Variants in ARHGEF11 observed in about 807,000 individuals in gnomAD.
ARHGEF11 encodes Rho guanine nucleotide exchange factor 11, also known as Rho guanine exchange factor (GEF) 11.
Under a neutral mutation model 193.7 loss-of-function variants are expected in ARHGEF11, and 55 were observed. The ratio of observed to expected loss-of-function variants is 0.28; its 90% CI spans 0.23 to 0.36. The LOEUF is 0.36. Among genes scored for constraint, ARHGEF11 ranks in the 10% least tolerant of loss-of-function variants. The probability of loss-of-function intolerance (pLI) is 1.00; values close to 1 mark genes in which losing one functional copy is unlikely to be tolerated. For missense variants in ARHGEF11, 1,723 were observed against 2,005.6 expected, an observed-to-expected ratio of 0.86 and a Z score of 2.69; for synonymous variants, 693 against 768.0, an observed-to-expected ratio of 0.90 and a Z score of 1.62.
At chr1:157,040,927 T>C (rs1053364153) in intron 1 of ARHGEF11, among the ~76,000 whole-genome samples, 3 of 152,176 alleles carry the variant, frequency 2.0e-5, no homozygotes, top group African/African-American at 4.8e-5. Flanking sequence ...GAGAACTGGA[T>C]TGTACTTTAT....
chr1:157,002,117 T>A (rs936387408), intron 1 of ARHGEF11, among the ~76,000 whole-genome samples: 2 of 152,168 alleles, frequency 1.3e-5, no homozygotes, highest in Non-Finnish European at 2.9e-5. Flanking sequence ...GCAGTTCCTT[T>A]CCAGGACCTA....
At chr1:156,965,828 T>G (rs1661607115) in intron 11 of ARHGEF11, among the ~76,000 whole-genome samples, 1 of 152,212 alleles carries the variant, frequency 6.6e-6, no homozygotes, top group African/African-American at 2.4e-5. Flanking sequence ...TGATCCTCTC[T>G]TCTACAGATC....
At chr1:156,962,400 A>G (rs1661014789) in intron 13 of ARHGEF11, among the ~76,000 whole-genome samples, 1 of 152,112 alleles carries the variant, frequency 6.6e-6, no homozygotes, top group African/African-American at 2.4e-5. Flanking sequence ...AGTTGAGCAG[A>G]ATAAGGAAAC....
At chr1:156,946,848 G>GCCTATCCCTT (rs3831269) in intron 27 of ARHGEF11, 61 bp from the exon 28 acceptor site, 347,087 of 1,612,644 alleles carry the variant, frequency 0.22, 45,205 homozygotes, top group African/African-American at 0.62. Context: ...CCAGACCCCT[G>GCCTATCCCTT]CCTTTGCCAA....
At chr1:157,036,482 A>G (rs977247886) in intron 1 of ARHGEF11, among the ~76,000 whole-genome samples, 12 of 151,602 alleles carry the variant, frequency 7.9e-5, no homozygotes, top group African/African-American at 2.7e-4. Context: ...CCAACACATC[A>G]GGCTAATTTT....
chr1:156,936,716 T>G, intron 40 of ARHGEF11, 100 bp downstream of exon 40: 1 of 1,367,950 alleles, frequency 7.3e-7, no homozygotes, highest in Non-Finnish European at 1.0e-6. Flanking sequence ...GGGAAACCAC[T>G]CTCAGAACCA....
chr1:157,036,443 T>C (rs1231555808), intron 1 of ARHGEF11, among the ~76,000 whole-genome samples: 2 of 152,002 alleles, frequency 1.3e-5, no homozygotes, highest in Non-Finnish European at 2.9e-5. Flanking sequence ...TGCTTCAGCC[T>C]CCCAAGTAGC....
chr1:156,970,130 T>A, intron 8 of ARHGEF11, 87 bp from the exon 9 acceptor site: 3 of 1,175,212 alleles, frequency 2.6e-6, no homozygotes, highest in Admixed American at 3.8e-5. Context: ...CTTATTTGCT[T>A]ACAATTAGTG....
Position 156,935,794 on chromosome 1 carries a change from G to A in ARHGEF11, c.*206C>T. On this transcript the variant is annotated 3_prime_UTR_variant, in exon 41 of 41. Transcript: ENST00000368194. ...ATGAGGCCTTGGAGGGTTGGGCTAAGGGAGGGAAAAGACACTGAAACCTGA... is the reference window on the plus strand; with the variant it reads ...ATGAGGCCTTGGAGGGTTGGGCTAAAGGAGGGAAAAGACACTGAAACCTGA... The A allele has an allele frequency of 1.7e-6, 1 of 590,278 alleles. No homozygotes were observed. Among genetic ancestry groups the A allele is most frequent in the South Asian group, 2.2e-5 (1 of 44,688 alleles). The allele number at this position is 590,278 out of a possible 1,614,324, so 36.6% of individuals were successfully genotyped here. A position where few individuals can be genotyped will look rare whatever the true frequency, so the allele number is the denominator to read the frequency against.
At position 157,013,263 on chromosome 1, in the gene ARHGEF11, T is replaced by TCA. The variant is rs71084208; in HGVS notation, c.33-27092_33-27091dup. Among the ~76,000 whole-genome samples the TCA allele has an allele frequency of 3.2e-3, 453 of 140,796 alleles. 1 individual carries two copies. The highest frequency in any genetic ancestry group is 9.4e-3 in the African/African-American group (347 of 36,730). 92.4% of individuals were successfully genotyped at this position (140,796 alleles called of 152,430 possible). The stretch of plus-strand genomic sequence containing the variant: ...ACTGCTCATAACTCCCCACTATCAC[T>TCA]CACACACACACACACACACACACAC... On this transcript the variant is annotated intron_variant, in intron 1 of 40. Transcript: ENST00000368194.
At chr1:156,985,969 A>G in intron 2 of ARHGEF11, 113 bp downstream of exon 2, 1 of 830,918 alleles carries the variant, frequency 1.2e-6, no homozygotes, top group East Asian at 2.5e-5. Context: ...CACACTACAG[A>G]CCAGAGCTCT....
intron 1 of ARHGEF11, among the ~76,000 whole-genome samples, chr1:157,010,325 C>T (rs1447875415): frequency 6.6e-6 from 1 of 151,914 alleles, no homozygotes; most frequent in African/African-American, 2.4e-5. Flanking sequence ...TCTCTTTTCA[C>T]AGATGATGTG....
At chr1:156,942,128 C>T (rs1657131134) in intron 33 of ARHGEF11, 139 bp from the exon 34 acceptor site, 1 of 1,225,960 alleles carries the variant, frequency 8.2e-7, no homozygotes, top group Non-Finnish European at 1.1e-6. Flanking sequence ...CCTGTACAGT[C>T]CTCCCTGGCT....
intron 14 of ARHGEF11, 27 bp downstream of exon 14, chr1:156,961,650 T>C (rs757739902): frequency 6.2e-7 from 1 of 1,600,528 alleles, no homozygotes; most frequent in South Asian, 1.1e-5. Context: ...TATGATAAAA[T>C]TATAATCCAA....
chr1:156,974,841 CTTCTTTCTTTTTTATG>C (rs1663041799), intron 7 of ARHGEF11, among the ~76,000 whole-genome samples: 1 of 152,166 alleles, frequency 6.6e-6, no homozygotes, highest in Non-Finnish European at 1.5e-5. Context: ...TTTATTAGTA[CTTCTTTCTTTTTTATG>C]GCTGAGTAAA....
chr1:157,007,221 G>A (rs746565151), intron 1 of ARHGEF11, among the ~76,000 whole-genome samples: 2 of 152,102 alleles, frequency 1.3e-5, no homozygotes, highest in Admixed American at 6.6e-5. Flanking sequence ...GAGGAAATGT[G>A]GAAGTTACAA....
chr1:156,972,351 G>A (rs1043665815), intron 7 of ARHGEF11, among the ~76,000 whole-genome samples: 3 of 152,184 alleles, frequency 2.0e-5, no homozygotes, highest in Non-Finnish European at 2.9e-5. Flanking sequence ...ACCTGGCTTT[G>A]ACTTCTGGCA....
intron 2 of ARHGEF11, 66 bp from the exon 3 acceptor site, chr1:156,984,503 C>A: frequency 1.6e-6 from 2 of 1,228,434 alleles, no homozygotes; most frequent in South Asian, 2.7e-5. Flanking sequence ...CATGCCAAGA[C>A]CAACCCAGGG....
At chr1:157,037,120 C>T (rs950668998) in intron 1 of ARHGEF11, among the ~76,000 whole-genome samples, 2 of 152,078 alleles carry the variant, frequency 1.3e-5, no homozygotes, top group African/African-American at 4.8e-5. Flanking sequence ...AAGAGCAAAA[C>T]TCTGTCTCAA....
Sources: allele counts gnomAD v4.1 joint callset (sites outside exome capture counted in the v4.1 genomes callset), GRCh38; gene constraint gnomAD v4.1.1; transcripts MANE v1.5; gene names NCBI Gene and HGNC (gene_info 2026-07-23, HGNC 2026-07-21).